Variants in SPON1 observed in about 807,000 individuals in gnomAD.
SPON1 encodes spondin 1, also known as spondin-1.
In SPON1, 52 loss-of-function variants were observed where a neutral mutation model predicts 111.7. That is an observed-to-expected ratio of 0.47 (90% CI 0.37 to 0.59). SPON1 has a LOEUF of 0.59. Ranked by LOEUF, SPON1 falls within the 20% of genes least tolerant of loss-of-function variation. SPON1 has a pLI of 0.00. For missense variants in SPON1, 957 were observed against 1,068.5 expected, an observed-to-expected ratio of 0.90 and a Z score of 1.46; for synonymous variants, 410 against 395.8, an observed-to-expected ratio of 1.04 and a Z score of -0.43.
At chr11:14,214,428 G>A (rs1317752337) in intron 6 of SPON1, among the ~76,000 whole-genome samples, 1 of 152,200 alleles carries the variant, frequency 6.6e-6, no homozygotes, top group African/African-American at 2.4e-5. Flanking sequence ...ATGGAGAACA[G>A]TCCTGCTAGC....
intron 2 of SPON1, among the ~76,000 whole-genome samples, chr11:13,995,649 G>C (rs1347052246): frequency 6.6e-6 from 1 of 152,152 alleles, no homozygotes; most frequent in Non-Finnish European, 1.5e-5. Flanking sequence ...TAGGGACACA[G>C]AGCCAAACCA....
intron 6 of SPON1, among the ~76,000 whole-genome samples, chr11:14,171,837 T>C (rs1210779303): frequency 2.6e-5 from 4 of 152,244 alleles, no homozygotes; most frequent in South Asian, 4.1e-4. Context: ...TCTAGTTGGA[T>C]TGCACTGTGG....
chr11:14,164,103 G>A (rs1847999654), intron 6 of SPON1, among the ~76,000 whole-genome samples: 2 of 152,184 alleles, frequency 1.3e-5, no homozygotes, highest in South Asian at 4.1e-4. Context: ...ATCAGGTTGA[G>A]TGGCCAAGGC....
chr11:14,069,319 T>A (rs1300521486), intron 3 of SPON1, among the ~76,000 whole-genome samples: 1 of 152,156 alleles, frequency 6.6e-6, no homozygotes, highest in Admixed American at 6.5e-5. Context: ...AAATAAACAA[T>A]AAATAAATAA....
intron 6 of SPON1, among the ~76,000 whole-genome samples, chr11:14,227,146 G>C (rs1848749615): frequency 1.3e-5 from 2 of 152,114 alleles, no homozygotes; most frequent in African/African-American, 2.4e-5. Context: ...GCTTACCATG[G>C]CAATATTCGT....
chr11:14,246,042 C>T (rs1848985554), intron 7 of SPON1, among the ~76,000 whole-genome samples: 1 of 152,196 alleles, frequency 6.6e-6, no homozygotes, highest in Non-Finnish European at 1.5e-5. Context: ...CTCCCAGAAC[C>T]TATGTGTGAA....
In SPON1 at chr11:14,259,846, A is replaced by G; in HGVS notation, c.1831+145A>G. 1 of 889,534 alleles carries G rather than the reference A, an allele frequency of 1.1e-6. No homozygotes were observed. 55.1% of individuals were successfully genotyped at this position (889,534 alleles called of 1,614,324 possible). On this transcript the variant is annotated intron_variant, in intron 13 of 15. Transcript: ENST00000576479. The surrounding 1 kb of genome is among the most constrained non-coding windows in gnomAD (Gnocchi z 5.0). ...TCCTTGCTGGGCACTGCTGGGAGCC[A>G]GATGAGAGACATAGGTGTGTAGACA...
chr11:14,002,150 C>T (rs1554912513), intron 2 of SPON1, among the ~76,000 whole-genome samples: 1 of 152,040 alleles, frequency 6.6e-6, no homozygotes, highest in Non-Finnish European at 1.5e-5. Context: ...CACAGGATGC[C>T]CTCCATATAA....
intron 6 of SPON1, among the ~76,000 whole-genome samples, chr11:14,143,302 C>T (rs557041113): frequency 6.6e-6 from 1 of 152,304 alleles, no homozygotes; most frequent in Non-Finnish European, 1.5e-5. Context: ...TGGCTCATGC[C>T]TGTAATCCCA....
intron 5 of SPON1, among the ~76,000 whole-genome samples, chr11:14,103,524 A>G (rs1283666561): frequency 6.6e-6 from 1 of 152,188 alleles, no homozygotes; most frequent in African/African-American, 2.4e-5. Flanking sequence ...CCATCCTCCC[A>G]CCACTGGGCC....
At chr11:14,012,411 A>G (rs1466266506) in intron 2 of SPON1, among the ~76,000 whole-genome samples, 2 of 152,128 alleles carry the variant, frequency 1.3e-5, no homozygotes, top group Non-Finnish European at 2.9e-5. Flanking sequence ...CTCTGGTGAG[A>G]TACATTGGAG....
intron 6 of SPON1, among the ~76,000 whole-genome samples, chr11:14,153,458 C>G (rs782266007): frequency 5.3e-5 from 8 of 152,074 alleles, no homozygotes; most frequent in Non-Finnish European, 1.2e-4. Flanking sequence ...GCAGGGAGGG[C>G]CACACACTTT....
intron 6 of SPON1, among the ~76,000 whole-genome samples, chr11:14,153,872 G>C (rs1161020216): frequency 6.6e-6 from 1 of 152,182 alleles, no homozygotes; most frequent in Non-Finnish European, 1.5e-5. Flanking sequence ...TTCCAAAAGG[G>C]ATAAATTGGC....
intron 6 of SPON1, among the ~76,000 whole-genome samples, chr11:14,170,134 A>G (rs1848079988): frequency 6.6e-6 from 1 of 152,190 alleles, no homozygotes; most frequent in South Asian, 2.1e-4. Flanking sequence ...TGAGCATGGA[A>G]TATTCTTCCA....
At chr11:14,224,756 G>C (rs782081713) in intron 6 of SPON1, 4 of 502,598 alleles carry the variant, frequency 8.0e-6, no homozygotes, top group East Asian at 5.6e-5. Context: ...GACTGAGGGA[G>C]ATATGAGGCC....
At position 14,228,627 on chromosome 11, in the gene SPON1, A is replaced by T. The variant is rs1554938346; in HGVS notation, c.826-14705A>T. ...TCACCCTGGAAGGAAGTTTGACCTC[A>T]CATTAGGCTGTGTTATCTAGCCAAT... On this transcript the variant is annotated intron_variant, in intron 6 of 15. Transcript: ENST00000576479. The surrounding 1 kb of genome is among the most constrained non-coding windows in gnomAD (Gnocchi z 4.2). Among the ~76,000 whole-genome samples, 5 of 152,178 alleles carry T rather than the reference A, an allele frequency of 3.3e-5. No homozygotes were observed.
At position 14,216,285 on chromosome 11, in the gene SPON1, G is replaced by C. The variant is rs932704182; in HGVS notation, c.826-27047G>C. On this transcript the variant is annotated intron_variant, in intron 6 of 15. Coordinates refer to ENST00000576479, the MANE Select transcript of SPON1 (RefSeq NM_006108.4). The stretch of plus-strand genomic sequence containing the variant: ...ATGAATCAACCCTGTACCTGCAAAG[G>C]GTTTTCACATCTGGGGCTGGGTGGT... 3.3e-5 allele frequency among the ~76,000 whole-genome samples: 5 copies of C among 152,204 alleles called. No individual in the cohort carries two copies. The East Asian group carries it at 9.7e-4, about 29-fold the overall frequency.
intron 6 of SPON1, among the ~76,000 whole-genome samples, chr11:14,141,119 C>T: frequency 6.7e-6 from 1 of 150,268 alleles, no homozygotes; most frequent in Non-Finnish European, 1.5e-5. Context: ...GCCTGTATCC[C>T]AGTCCAGGGC....
rs1847578113 is a variant in SPON1, at chr11:14,135,324, G to A, written c.677-96G>A. The A allele has an allele frequency of 7.2e-7, 1 of 1,390,748 alleles. No homozygotes were observed. The highest frequency in any genetic ancestry group is 1.3e-5 in the South Asian group (1 of 75,416). The allele number at this position is 1,390,748 out of a possible 1,614,324, so 86.2% of individuals were successfully genotyped here. Reference sequence around the variant, plus strand: ...AATAGGTGCTTAGTCAGTGCTCTTTGAATCGATGTCCAATTACGCATCCTC... The same window carrying A: ...AATAGGTGCTTAGTCAGTGCTCTTTAAATCGATGTCCAATTACGCATCCTC... On this transcript the variant is annotated intron_variant, in intron 5 of 15. Transcript: ENST00000576479. This position sits in a 1 kb window ranked among gnomAD's most constrained non-coding sequence, Gnocchi z 4.4.
Sources: allele counts gnomAD v4.1 joint callset (sites outside exome capture counted in the v4.1 genomes callset), GRCh38; gene constraint gnomAD v4.1.1; non-coding constraint Gnocchi (gnomAD v3.1); transcripts MANE v1.5; gene names NCBI Gene and HGNC (gene_info 2026-07-23, HGNC 2026-07-21).